Variants in RIMS1 observed in about 807,000 individuals in gnomAD.
RIMS1 encodes the protein regulating synaptic membrane exocytosis 1.
Under a neutral mutation model 214.1 loss-of-function variants are expected in RIMS1, and 83 were observed. The ratio of observed to expected loss-of-function variants is 0.39; its 90% confidence interval spans 0.32 to 0.47. RIMS1 has a LOEUF of 0.47. Ranked by LOEUF, RIMS1 falls within the 20% of genes least tolerant of loss-of-function variation. RIMS1 has a pLI of 0.99. For missense variants in RIMS1, 2,050 were observed against 2,161.8 expected, an observed-to-expected ratio of 0.95 and a Z score of 1.03; for synonymous variants, 793 against 786.8, an observed-to-expected ratio of 1.01 and a Z score of -0.13.
In RIMS1 at chr6:72,281,249, C is replaced by T. The variant is rs376104313; in HGVS notation, c.3483-2798C>T. Among the ~76,000 whole-genome samples the T allele has an allele frequency of 6.6e-5, 10 of 152,166 alleles. No individual in the cohort carries two copies. In the East Asian group the frequency reaches 1.7e-3, roughly 26 times the overall value. The stretch of plus-strand genomic sequence containing the variant: ...AAAAAGGATAAAAGAGTAGTACCTA[C>T]CTCTGGATTGGAAAGAAGATTATAT... On this transcript the variant is annotated intron_variant, in intron 23 of 33. Transcript: ENST00000521978.
At chr6:72,173,690 C>T (rs1289426682) in intron 4 of RIMS1, among the ~76,000 whole-genome samples, 1 of 152,030 alleles carries the variant, frequency 6.6e-6, no homozygotes, top group Non-Finnish European at 1.5e-5. Flanking sequence ...TAATTCTTCT[C>T]TATGTTGATT....
intron 1 of RIMS1, among the ~76,000 whole-genome samples, chr6:71,932,560 A>C (rs965282143): frequency 6.6e-6 from 1 of 152,102 alleles, no homozygotes; most frequent in Non-Finnish European, 1.5e-5. Flanking sequence ...AATAATCTGT[A>C]AAACAAACCC....
intron 2 of RIMS1, among the ~76,000 whole-genome samples, chr6:72,006,601 C>G (rs910429858): frequency 1.3e-5 from 2 of 152,162 alleles, no homozygotes; most frequent in South Asian, 2.1e-4. Context: ...CAGATGGCAC[C>G]TGGAAAATCG....
At position 72,258,826 on chromosome 6, in the gene RIMS1, A is replaced by C. The variant is rs189967641; in HGVS notation, c.2928-160A>C. On this transcript the variant is annotated intron_variant, in intron 17 of 33. Coordinates refer to ENST00000521978, the MANE Select transcript of RIMS1 (RefSeq NM_014989.7). ...CAGCCACAGGCAAAAACTCATAGAA[A>C]ACAAATACCCTTAACTCATTGATAA... 1.8e-3 allele frequency among the ~76,000 whole-genome samples: 279 copies of C among 152,278 alleles called. 12 individuals are homozygous for C. The highest frequency in any genetic ancestry group is 0.017 in the Admixed American group (264 of 15,268).
chr6:72,374,932 C>T (rs2098332300), intron 29 of RIMS1, among the ~76,000 whole-genome samples: 1 of 152,184 alleles, frequency 6.6e-6, no homozygotes, highest in Non-Finnish European at 1.5e-5. Flanking sequence ...AAAGAATGCA[C>T]AACCTAGATG....
chr6:72,207,942 T>C (rs1257862589), intron 6 of RIMS1, among the ~76,000 whole-genome samples: 1 of 152,206 alleles, frequency 6.6e-6, no homozygotes, highest in Admixed American at 6.5e-5. Context: ...TGTGAGGTGA[T>C]ACTTCAGCAA....
At chr6:71,916,787 G>A (rs1778567059) in intron 1 of RIMS1, among the ~76,000 whole-genome samples, 1 of 152,110 alleles carries the variant, frequency 6.6e-6, no homozygotes, top group Non-Finnish European at 1.5e-5. Context: ...ATTCTAACTT[G>A]TCTAGGTTGT....
chr6:72,015,047 A>AT (rs910041860), intron 2 of RIMS1, among the ~76,000 whole-genome samples: 28 of 151,382 alleles, frequency 1.8e-4, no homozygotes, highest in African/African-American at 4.1e-4. Flanking sequence ...TGCATTTTGC[A>AT]TTTTTTTTTA....
intron 2 of RIMS1, among the ~76,000 whole-genome samples, chr6:71,969,573 C>T (rs1795315190): frequency 1.3e-5 from 2 of 152,142 alleles, no homozygotes; most frequent in African/African-American, 4.8e-5. Context: ...CTTTTGAAGG[C>T]TGAGGCGGGT....
chr6:72,000,962 T>C (rs1805006488), intron 2 of RIMS1, among the ~76,000 whole-genome samples: 1 of 152,148 alleles, frequency 6.6e-6, no homozygotes, highest in Non-Finnish European at 1.5e-5. Context: ...ATGTTGTACA[T>C]TCTGTCAACT....
At chr6:72,082,478 A>G (rs1013206814) in intron 2 of RIMS1, among the ~76,000 whole-genome samples, 1 of 152,196 alleles carries the variant, frequency 6.6e-6, no homozygotes, top group African/African-American at 2.4e-5. Context: ...CATGTTAAAT[A>G]ACTTGCCAGA....
At chr6:72,185,155 A>T (rs2048917103) in intron 6 of RIMS1, among the ~76,000 whole-genome samples, 2 of 152,204 alleles carry the variant, frequency 1.3e-5, no homozygotes, top group African/African-American at 4.8e-5. Flanking sequence ...AAACACAAAG[A>T]TTCCAGTTTG....
chr6:72,377,776 C>T (rs1480533577), intron 29 of RIMS1, among the ~76,000 whole-genome samples: 2 of 152,140 alleles, frequency 1.3e-5, no homozygotes, highest in African/African-American at 4.8e-5. Flanking sequence ...ATGTATACAA[C>T]TAAAAGATGT....
intron 1 of RIMS1, among the ~76,000 whole-genome samples, chr6:71,935,384 G>A (rs775522822): frequency 6.6e-6 from 1 of 152,250 alleles, no homozygotes; most frequent in Non-Finnish European, 1.5e-5. Context: ...TGATTTAAGT[G>A]TTATGAAGAA....
intron 1 of RIMS1, among the ~76,000 whole-genome samples, chr6:71,922,235 T>G (rs1182706954): frequency 1.3e-5 from 2 of 152,222 alleles, no homozygotes; most frequent in African/African-American, 4.8e-5. Context: ...CACAGTGTTA[T>G]GTGATCATCA....
chr6:72,015,831 C>T (rs901571060), intron 2 of RIMS1, among the ~76,000 whole-genome samples: 1 of 152,056 alleles, frequency 6.6e-6, no homozygotes, highest in Non-Finnish European at 1.5e-5. Context: ...GAGGCTGAGG[C>T]AGGAGAATGG....
intron 19 of RIMS1, chr6:72,262,862 C>T: frequency 3.4e-6 from 2 of 582,084 alleles, no homozygotes; most frequent in Non-Finnish European, 4.3e-6. Context: ...ATTTACTAGT[C>T]TCTAGTAAAC....
intron 4 of RIMS1, among the ~76,000 whole-genome samples, chr6:72,169,496 T>C (rs991022273): frequency 7.9e-5 from 12 of 151,952 alleles, no homozygotes; most frequent in African/African-American, 2.4e-4. Context: ...GTGATACAAA[T>C]AGGAAAAAGA....
At chr6:72,073,834 T>C (rs1318475573) in intron 2 of RIMS1, among the ~76,000 whole-genome samples, 2 of 152,232 alleles carry the variant, frequency 1.3e-5, no homozygotes, top group Non-Finnish European at 2.9e-5. Flanking sequence ...TGAATATCAC[T>C]ATAGCTAGGT....
Sources: allele counts gnomAD v4.1 joint callset (sites outside exome capture counted in the v4.1 genomes callset), GRCh38; gene constraint gnomAD v4.1.1; transcripts MANE v1.5; gene names NCBI Gene and HGNC (gene_info 2026-07-23, HGNC 2026-07-21).